FGGY: variants seen among roughly 807,000 people sequenced by gnomAD.
The protein encoded by FGGY is FGGY carbohydrate kinase domain containing.
In FGGY, 72 loss-of-function variants were observed where a neutral mutation model predicts 71.3. The observed-to-expected ratio is 1.01, with a 90% CI of 0.84 to 1.23. The LOEUF (loss-of-function observed/expected upper bound fraction) is 1.23, where lower values mean the gene tolerates loss of function less well. FGGY is among the 50% of genes most tolerant of loss of function. The pLI, the probability that FGGY is intolerant of heterozygous loss-of-function variation, is 0.00. For missense variants in FGGY, 668 were observed against 682.3 expected (o/e 0.98, Z 0.23); for synonymous variants, 251 against 250.3 (o/e 1.00, Z -0.02).
At chr1:59,695,432 A>G (rs1573342854) in intron 14 of FGGY, among the ~76,000 whole-genome samples, 1 of 152,208 alleles carries the variant, frequency 6.6e-6, no homozygotes, top group South Asian at 2.1e-4. Context: ...TCGCCCATGC[A>G]TTCCATGTTG....
chr1:59,650,909 C>T (rs1273822020), intron 11 of FGGY, among the ~76,000 whole-genome samples: 1 of 150,714 alleles, frequency 6.6e-6, no homozygotes, highest in Non-Finnish European at 1.5e-5. Context: ...TTTCCCTCTA[C>T]ACACTGCTTT....
intron 14 of FGGY, among the ~76,000 whole-genome samples, chr1:59,693,940 G>A (rs1435432742): frequency 6.6e-6 from 1 of 151,972 alleles, no homozygotes; most frequent in Non-Finnish European, 1.5e-5. Flanking sequence ...CTGGGAGGCA[G>A]AAGTTGCAGT....
At chr1:59,441,501 T>G (rs904156353) in intron 5 of FGGY, among the ~76,000 whole-genome samples, 4 of 152,202 alleles carry the variant, frequency 2.6e-5, no homozygotes, top group African/African-American at 9.6e-5. Context: ...TAGCAGTGTC[T>G]TAAAGTGGGT....
chr1:59,529,753 A>G (rs1030022564), intron 7 of FGGY, among the ~76,000 whole-genome samples: 11 of 152,200 alleles, frequency 7.2e-5, no homozygotes, highest in African/African-American at 2.7e-4. Flanking sequence ...CATTTTAAGC[A>G]TGGCTTTATA....
Position 59,456,981 on chromosome 1 carries a change from G to GT in FGGY, c.576dup (p.Lys193Ter), listed in dbSNP as rs2153513124. The GT allele has an allele frequency of 6.2e-7, 1 of 1,613,754 alleles. No homozygotes were observed. Among genetic ancestry groups the GT allele is most frequent in the East Asian group, 2.2e-5 (1 of 44,866 alleles). ...CTTAGGTCTCTCTGCTCCCTGGTGTGTAAGTGGACATATTCAGCAGAGAAA... is the reference window on the plus strand; with the variant it reads ...CTTAGGTCTCTCTGCTCCCTGGTGTGTTAAGTGGACATATTCAGCAGAGAAA... On this transcript the variant is annotated frameshift_variant, in exon 6 of 16. Coordinates refer to ENST00000303721, the MANE Select transcript of FGGY (RefSeq NM_018291.5). LOFTEE classifies it high-confidence loss of function.
intron 7 of FGGY, among the ~76,000 whole-genome samples, chr1:59,522,691 G>C (rs2153650474): frequency 6.6e-6 from 1 of 152,192 alleles, no homozygotes; most frequent in Admixed American, 6.5e-5. Context: ...ACTACCCTTG[G>C]AATAGGGAAG....
At chr1:59,524,265 G>A (rs1161160724) in intron 7 of FGGY, among the ~76,000 whole-genome samples, 3 of 152,200 alleles carry the variant, frequency 2.0e-5, no homozygotes, top group East Asian at 3.9e-4. Flanking sequence ...GGGCGCCAAC[G>A]AGCATGGCAG....
intron 6 of FGGY, among the ~76,000 whole-genome samples, chr1:59,511,952 A>G (rs1347565420): frequency 6.6e-6 from 1 of 152,024 alleles, no homozygotes; most frequent in East Asian, 1.9e-4. Flanking sequence ...TAAGTAGGTT[A>G]GTAGATCTGC....
intron 5 of FGGY, among the ~76,000 whole-genome samples, chr1:59,411,843 G>A (rs909855778): frequency 1.3e-5 from 2 of 151,874 alleles, no homozygotes; most frequent in Middle Eastern, 3.2e-3. Flanking sequence ...AGGCATTTTT[G>A]CTTTCTGGTG....
chr1:59,554,900 G>A (rs547435983), intron 8 of FGGY, among the ~76,000 whole-genome samples: 1 of 152,034 alleles, frequency 6.6e-6, no homozygotes, highest in South Asian at 2.1e-4. Flanking sequence ...TTAAATCGAC[G>A]ACTCTTTGGA....
chr1:59,653,569 C>T (rs973403730), intron 11 of FGGY, among the ~76,000 whole-genome samples: 14 of 152,238 alleles, frequency 9.2e-5, no homozygotes, highest in Non-Finnish European at 1.5e-5. Context: ...TCCCTGACCC[C>T]TTGCGCTTCC....
At chr1:59,369,066 T>A (rs185775946) in intron 4 of FGGY, among the ~76,000 whole-genome samples, 42 of 152,184 alleles carry the variant, frequency 2.8e-4, no homozygotes, top group Non-Finnish European at 5.1e-4. Flanking sequence ...TGGGCGCAGG[T>A]CAGTGGGTGC....
At chr1:59,401,886 G>C (rs1031003305) in intron 5 of FGGY, among the ~76,000 whole-genome samples, 1 of 152,194 alleles carries the variant, frequency 6.6e-6, no homozygotes, top group South Asian at 2.1e-4. Context: ...GGAGGAGGAA[G>C]GAATGGGGGA....
Position 59,403,367 on chromosome 1 carries a change from G to T in FGGY, c.554+24530G>T, listed in dbSNP as rs181000029. Among the ~76,000 whole-genome samples the T allele has an allele frequency of 4.7e-4, 71 of 152,208 alleles. 2 individuals are homozygous for T. Among genetic ancestry groups the T allele is most frequent in the Admixed American group, 4.1e-3 (63 of 15,294 alleles). ...CTTTACTCCTCACATATTTAGTAAA[G>T]TCCGGCTGTGTGCCCTGCCTTTAGG... On this transcript the variant is annotated intron_variant, in intron 5 of 15. Transcript: ENST00000303721.
At chr1:59,746,920 C>T (rs989979233) in intron 14 of FGGY, among the ~76,000 whole-genome samples, 2 of 152,068 alleles carry the variant, frequency 1.3e-5, no homozygotes, top group African/African-American at 4.8e-5. Context: ...GTATAGGTTC[C>T]AAAGCCATAT....
At chr1:59,456,531 C>T (rs1224956988) in intron 5 of FGGY, among the ~76,000 whole-genome samples, 1 of 151,288 alleles carries the variant, frequency 6.6e-6, no homozygotes, top group South Asian at 2.1e-4. Flanking sequence ...TCACTGCAAG[C>T]TCTGCCTCCT....
chr1:59,697,275 C>T (rs1157490163), intron 14 of FGGY, among the ~76,000 whole-genome samples: 1 of 152,090 alleles, frequency 6.6e-6, no homozygotes, highest in East Asian at 1.9e-4. Context: ...ATTGTGCAAC[C>T]ATCACCACCA....
chr1:59,728,134 C>T (rs2100833394), intron 14 of FGGY, among the ~76,000 whole-genome samples: 1 of 152,118 alleles, frequency 6.6e-6, no homozygotes, highest in African/African-American at 2.4e-5. Flanking sequence ...TGGCCTTTCA[C>T]TGGTATTCAT....
intron 5 of FGGY, among the ~76,000 whole-genome samples, 160 bp downstream of exon 5, chr1:59,378,997 G>A (rs561471208): frequency 6.6e-6 from 1 of 152,234 alleles, no homozygotes; most frequent in East Asian, 1.9e-4. Context: ...GACCTCCACT[G>A]CACATGCCCA....
Sources: allele counts gnomAD v4.1 joint callset (sites outside exome capture counted in the v4.1 genomes callset), GRCh38; gene constraint gnomAD v4.1.1; transcripts MANE v1.5; gene names NCBI Gene and HGNC (gene_info 2026-07-23, HGNC 2026-07-21).